Variants in RALGPS1 observed in about 807,000 individuals in gnomAD.
RALGPS1 encodes Ral GEF with PH domain and SH3 binding motif 1.
RALGPS1 carries 19 observed loss-of-function variants against 78.8 expected under a neutral mutation model. The ratio of observed to expected loss-of-function variants is 0.24; its 90% CI spans 0.17 to 0.35. The LOEUF is 0.35. Ranked by LOEUF, RALGPS1 falls within the 10% of genes least tolerant of loss-of-function variation. The pLI is 1.00. For synonymous variants in RALGPS1, 228 were observed against 256.3 expected (o/e 0.89, Z 1.06); for missense variants, 454 against 688.3 (o/e 0.66, Z 3.81).
intron 3 of RALGPS1, among the ~76,000 whole-genome samples, chr9:126,976,313 TCACACA>T (rs33925120): frequency 2.7e-5 from 4 of 150,350 alleles, no homozygotes; most frequent in East Asian, 2.0e-4. Context: ...ACACTCATTC[TCACACA>T]CACACACACA....
intron 11 of RALGPS1, 144 bp downstream of exon 11, chr9:127,174,926 C>G: frequency 1.5e-6 from 1 of 679,592 alleles, no homozygotes. Flanking sequence ...CCCTCCTGCA[C>G]CAGCCTGCCC....
rs1410323820 is a variant in RALGPS1 at position 127,220,655 on chromosome 9, A to G, written c.*1886A>G. 6.6e-6 allele frequency: 1 copy of G among 152,254 alleles called. No individual in the cohort carries two copies. Among genetic ancestry groups the G allele is most frequent in the East Asian group, 1.9e-4 (1 of 5,200 alleles). The allele number at this position is 152,254 out of a possible 1,614,324, so 9.4% of individuals were successfully genotyped here. A position where few individuals can be genotyped will look rare whatever the true frequency, so the allele number is the denominator to read the frequency against. Reference sequence around the variant, plus strand: ...AATGCCAAACACTCCACCTCTGATCAGAACCATGCAGTGTTAACACTTTAA... The same window carrying G: ...AATGCCAAACACTCCACCTCTGATCGGAACCATGCAGTGTTAACACTTTAA... On this transcript the variant is annotated 3_prime_UTR_variant, in exon 19 of 19. Coordinates refer to ENST00000259351, the MANE Select transcript of RALGPS1 (RefSeq NM_014636.3).
intron 4 of RALGPS1, among the ~76,000 whole-genome samples, chr9:126,982,654 C>T (rs2041356849): frequency 6.6e-6 from 1 of 152,078 alleles, no homozygotes; most frequent in African/African-American, 2.4e-5. Context: ...CCCTTTATGT[C>T]AGTCTCTGGC....
At chr9:127,125,037 G>A (rs768340859) in intron 8 of RALGPS1, among the ~76,000 whole-genome samples, 2 of 152,208 alleles carry the variant, frequency 1.3e-5, no homozygotes, top group Non-Finnish European at 2.9e-5. Flanking sequence ...AAAATTGGTG[G>A]CATTGGGCAC....
chr9:127,038,070 T>G (rs2047006656), intron 5 of RALGPS1, among the ~76,000 whole-genome samples: 2 of 152,230 alleles, frequency 1.3e-5, no homozygotes, highest in South Asian at 4.1e-4. Flanking sequence ...TGCTCTGAAC[T>G]TTCTCCCCAA....
chr9:127,130,338 C>G (rs2056921709), intron 8 of RALGPS1, among the ~76,000 whole-genome samples: 2 of 152,166 alleles, frequency 1.3e-5, no homozygotes, highest in Admixed American at 6.5e-5. Flanking sequence ...TAAATGCTGG[C>G]TTTCTTCATT....
chr9:127,163,581 C>T (rs373742295), intron 8 of RALGPS1, among the ~76,000 whole-genome samples: 1 of 152,206 alleles, frequency 6.6e-6, no homozygotes, highest in African/African-American at 2.4e-5. Flanking sequence ...AGACGAATGA[C>T]TCATGGTATC....
intron 8 of RALGPS1, among the ~76,000 whole-genome samples, chr9:127,126,561 A>G (rs1246250887): frequency 7.9e-5 from 12 of 152,104 alleles, no homozygotes; most frequent in Admixed American, 4.6e-4. Context: ...TTCTTGTCTC[A>G]TGCTTCAGTT....
intron 8 of RALGPS1, among the ~76,000 whole-genome samples, chr9:127,140,249 T>C (rs1816985523): frequency 6.6e-6 from 1 of 152,192 alleles, no homozygotes; most frequent in African/African-American, 2.4e-5. Flanking sequence ...TGGAAGGCAG[T>C]GCAACAGGTC....
At chr9:127,066,796 C>T (rs1014798588) in intron 7 of RALGPS1, among the ~76,000 whole-genome samples, 6 of 152,214 alleles carry the variant, frequency 3.9e-5, no homozygotes, top group East Asian at 1.9e-4. Context: ...ACTTCCTTTT[C>T]CCATAATTCA....
chr9:127,138,916 A>G (rs544597220), intron 8 of RALGPS1, among the ~76,000 whole-genome samples: 12 of 152,346 alleles, frequency 7.9e-5, no homozygotes, highest in Admixed American at 5.9e-4. Flanking sequence ...TCTAATTGGC[A>G]GTAATTTTTA....
chr9:126,978,830 G>T (rs925142599), intron 4 of RALGPS1, among the ~76,000 whole-genome samples: 2 of 152,076 alleles, frequency 1.3e-5, no homozygotes, highest in Non-Finnish European at 2.9e-5. Context: ...TGATCTTTAA[G>T]TCACCGTCCC....
At chr9:126,967,244 C>A (rs1338296934) in intron 3 of RALGPS1, among the ~76,000 whole-genome samples, 1 of 152,146 alleles carries the variant, frequency 6.6e-6, no homozygotes, top group Non-Finnish European at 1.5e-5. Context: ...AGAATGAGAC[C>A]CAGAGTTCCT....
At position 127,068,310 on chromosome 9, in the gene RALGPS1, G is replaced by A. The variant is rs113974126; in HGVS notation, c.484-920G>A. Among the ~76,000 whole-genome samples, 103 of 152,332 alleles carry A rather than the reference G, an allele frequency of 6.8e-4. 2 individuals carry two copies. The highest frequency in any genetic ancestry group is 2.4e-3 in the African/African-American group (99 of 41,576). ...TTGTATACATGGGCATGTGAATTGTGTGGAACTTACTGGGACTTTCAGCCC... is the reference window on the plus strand; with the variant it reads ...TTGTATACATGGGCATGTGAATTGTATGGAACTTACTGGGACTTTCAGCCC... On this transcript the variant is annotated intron_variant, in intron 7 of 18. Coordinates refer to ENST00000259351, the MANE Select transcript of RALGPS1 (RefSeq NM_014636.3).
At chr9:127,022,770 TCTCTA>T (rs2134224938) in intron 4 of RALGPS1, among the ~76,000 whole-genome samples, 1 of 152,274 alleles carries the variant, frequency 6.6e-6, no homozygotes, top group African/African-American at 2.4e-5. Context: ...CTCATTCCTG[TCTCTA>T]CTCCATGCCA....
chr9:127,160,374 G>A (rs548018162), intron 8 of RALGPS1, among the ~76,000 whole-genome samples: 2 of 152,326 alleles, frequency 1.3e-5, no homozygotes, highest in South Asian at 4.1e-4. Context: ...GTTGAGGCCA[G>A]CCCAGCTGCG....
intron 1 of RALGPS1, among the ~76,000 whole-genome samples, chr9:126,948,205 A>G (rs1403325892): frequency 6.6e-6 from 1 of 152,184 alleles, no homozygotes; most frequent in African/African-American, 2.4e-5. Context: ...TCTACTATGC[A>G]TATGAATTAC....
intron 18 of RALGPS1, chr9:127,217,315 G>A (rs2062639357): frequency 1.9e-6 from 2 of 1,051,520 alleles, no homozygotes; most frequent in Admixed American, 5.4e-5. Flanking sequence ...TGTGCTATAT[G>A]TAATAATAAA....
At chr9:127,133,763 A>C (rs2057186642) in intron 8 of RALGPS1, among the ~76,000 whole-genome samples, 1 of 152,074 alleles carries the variant, frequency 6.6e-6, no homozygotes, top group South Asian at 2.1e-4. Context: ...CGTTTGGTAA[A>C]CAGAATGCTT....
Sources: allele counts gnomAD v4.1 joint callset (sites outside exome capture counted in the v4.1 genomes callset), GRCh38; gene constraint gnomAD v4.1.1; transcripts MANE v1.5; gene names NCBI Gene and HGNC (gene_info 2026-07-23, HGNC 2026-07-21).